The following DLGAP2 variants were observed in gnomAD, a reference collection of about 807,000 sequenced individuals.
DLGAP2 encodes DLG associated protein 2.
DLGAP2 carries 26 observed loss-of-function variants against 100.3 expected under a neutral mutation model. The ratio of observed to expected loss-of-function variants is 0.26; its 90% CI spans 0.19 to 0.36. DLGAP2 has a LOEUF of 0.36. DLGAP2 is among the 10% of genes least tolerant of loss of function. DLGAP2 has a pLI of 1.00. For synonymous variants in DLGAP2, 886 were observed against 630.1 expected, an observed-to-expected ratio of 1.41 and a Z score of -6.08; for missense variants, 1,858 against 1,453.2, an observed-to-expected ratio of 1.28 and a Z score of -4.53.
intron 2 of DLGAP2, among the ~76,000 whole-genome samples, chr8:1,179,242 G>A (rs191319434): frequency 5.3e-5 from 8 of 152,376 alleles, no homozygotes; most frequent in South Asian, 2.1e-4. Flanking sequence ...GGATGGCTGA[G>A]TATTTCAGAG....
In DLGAP2 at chr8:1,363,552, C is replaced by T. The variant is rs117848522; in HGVS notation, c.106+104669C>T. On this transcript the variant is annotated intron_variant, in intron 3 of 14. Coordinates refer to ENST00000637795, the MANE Select transcript of DLGAP2 (RefSeq NM_001346810.2). The stretch of plus-strand genomic sequence containing the variant: ...TTCCCTGCAGGGATGGTGGGGTCCC[C>T]GGCATTTCCAGAGGAACTTGGTCCT... 4.6e-3 allele frequency among the ~76,000 whole-genome samples: 705 copies of T among 152,298 alleles called. 3 individuals carry two copies. The highest frequency in any genetic ancestry group is 8.9e-3 in the South Asian group (43 of 4,816).
intron 1 of DLGAP2, among the ~76,000 whole-genome samples, chr8:859,993 G>C (rs1296841089): frequency 1.3e-5 from 2 of 152,166 alleles, no homozygotes; most frequent in Non-Finnish European, 2.9e-5. Context: ...TAGTGTTAAT[G>C]GTGGTAAAAA....
intron 2 of DLGAP2, among the ~76,000 whole-genome samples, chr8:1,165,381 A>G (rs1449815210): frequency 6.6e-6 from 1 of 152,220 alleles, no homozygotes; most frequent in African/African-American, 2.4e-5. Flanking sequence ...AAGCGCTGGC[A>G]CAGCCGGGCT....
At chr8:1,574,801 A>T (rs1427082787) in intron 6 of DLGAP2, among the ~76,000 whole-genome samples, 1 of 152,236 alleles carries the variant, frequency 6.6e-6, no homozygotes, top group African/African-American at 2.4e-5. Flanking sequence ...TTCCGGACAC[A>T]AGAAAGGAAA....
intron 8 of DLGAP2, among the ~76,000 whole-genome samples, chr8:1,640,214 A>T (rs1797864128): frequency 6.6e-6 from 1 of 152,110 alleles, no homozygotes; most frequent in South Asian, 2.1e-4. Flanking sequence ...GTTGATCCTG[A>T]TGAAGAGGAG....
Position 1,707,609 on chromosome 8 carries a change from C to G in DLGAP2, c.*6203C>G, listed in dbSNP as rs1399883647. On this transcript the variant is annotated 3_prime_UTR_variant, in exon 15 of 15. Coordinates refer to ENST00000637795, the MANE Select transcript of DLGAP2 (RefSeq NM_001346810.2). Reference sequence around the variant, plus strand: ...TCCGAACGGTAAGCCACTTCGCTCTCGGGCAGGACAGGTCCTCCCTGCAGA... The same window carrying G: ...TCCGAACGGTAAGCCACTTCGCTCTGGGGCAGGACAGGTCCTCCCTGCAGA... 2 of 152,120 alleles carry G rather than the reference C, an allele frequency of 1.3e-5. No individual in the cohort carries two copies. The highest frequency in any genetic ancestry group is 2.9e-5 in the Non-Finnish European group (2 of 68,016). The allele number at this position is 152,120 out of a possible 1,614,324, so 9.4% of individuals were successfully genotyped here.
chr8:1,150,658 A>C (rs1173329060), intron 2 of DLGAP2, among the ~76,000 whole-genome samples: 1 of 152,268 alleles, frequency 6.6e-6, no homozygotes, highest in Non-Finnish European at 1.5e-5. Context: ...ACACTGCTCA[A>C]CTTGGAGGTT....
chr8:838,595 G>A (rs1796925335), intron 1 of DLGAP2, among the ~76,000 whole-genome samples: 1 of 151,826 alleles, frequency 6.6e-6, no homozygotes, highest in Non-Finnish European at 1.5e-5. Context: ...TCCCTTTCTA[G>A]CTTGGACAAG....
chr8:1,233,713 G>A (rs1365982320), intron 2 of DLGAP2, among the ~76,000 whole-genome samples: 1 of 152,156 alleles, frequency 6.6e-6, no homozygotes, highest in African/African-American at 2.4e-5. Context: ...GCACATGTCA[G>A]TTGACTTTCT....
Position 1,478,919 on chromosome 8 carries a change from C to T in DLGAP2, c.107-22447C>T, listed in dbSNP as rs141602670. ...AGCTGGAGGTTGAGGGAGATGACGG[C>T]GCATCCTGGAGACTGAAGGTCAGGC... On this transcript the variant is annotated intron_variant, in intron 3 of 14. Transcript: ENST00000637795. Among the ~76,000 whole-genome samples, 1,364 of 152,306 alleles carry T rather than the reference C, an allele frequency of 9.0e-3. 20 individuals carry two copies. Among genetic ancestry groups the T allele is most frequent in the African/African-American group, 0.03 (1,231 of 41,564 alleles).
At position 1,408,221 on chromosome 8, in the gene DLGAP2, C is replaced by G. The variant is rs140528562; in HGVS notation, c.107-93145C>G. On this transcript the variant is annotated intron_variant, in intron 3 of 14. Transcript: ENST00000637795. The stretch of plus-strand genomic sequence containing the variant: ...ACAGGAATCCTTGTGCTCTTTCCAC[C>G]TGCCTCACTGTCCAACTCATTCTCC... Among the ~76,000 whole-genome samples, 29 of 152,304 alleles carry G rather than the reference C, an allele frequency of 1.9e-4. No homozygotes were observed. In the East Asian group the frequency reaches 5.4e-3, roughly 28 times the overall value.
chr8:1,682,635 T>C (rs556246246), intron 12 of DLGAP2, among the ~76,000 whole-genome samples: 1 of 151,470 alleles, frequency 6.6e-6, no homozygotes, highest in African/African-American at 2.4e-5. Flanking sequence ...CCACAGCACC[T>C]GGCTAATTTT....
intron 3 of DLGAP2, among the ~76,000 whole-genome samples, chr8:1,376,838 G>A (rs534615772): frequency 1.1e-4 from 16 of 152,116 alleles, no homozygotes; most frequent in Admixed American, 5.9e-4. Flanking sequence ...TACTGCAAGC[G>A]TATTTGGCCG....
intron 2 of DLGAP2, among the ~76,000 whole-genome samples, chr8:1,253,420 G>T (rs374346208): frequency 9.8e-5 from 15 of 152,362 alleles, no homozygotes; most frequent in African/African-American, 2.6e-4. Context: ...GCAGAAGCCA[G>T]AGATAGCATG....
At chr8:1,249,604 C>A (rs947451598) in intron 2 of DLGAP2, among the ~76,000 whole-genome samples, 4 of 152,160 alleles carry the variant, frequency 2.6e-5, no homozygotes, top group African/African-American at 9.7e-5. Context: ...CACTTCATTT[C>A]TTTGGGCTTC....
At chr8:1,470,775 A>ACCCC (rs1563168449) in intron 3 of DLGAP2, among the ~76,000 whole-genome samples, 1 of 75,976 alleles carries the variant, frequency 1.3e-5, no homozygotes, top group Admixed American at 1.3e-4. Context: ...GCCTTTCCCG[A>ACCCC]CTCCCCCAGC....
Position 1,549,119 on chromosome 8 carries a change from C to T in DLGAP2, c.666C>T (p.Arg222=). 2 of 1,588,324 alleles carry T rather than the reference C, an allele frequency of 1.3e-6. No individual in the cohort carries two copies. Among genetic ancestry groups the T allele is most frequent in the Non-Finnish European group, 1.7e-6 (2 of 1,169,822 alleles). The part of the protein sequence containing the change: ...YQRTSAAAEQ[R]SESPGRIRHL... ...GGACGTCCGCGGCCGCCGAGCAGCG[C>T]AGCGAGAGCCCCGGGCGGATCCGCC... The change falls in exon 5 of 15, where the codon CGC becomes CGT. Residue 222 remains arginine, a synonymous_variant. Coordinates refer to ENST00000637795, the MANE Select transcript of DLGAP2 (RefSeq NM_001346810.2).
At chr8:1,359,368 A>AT (rs1801925639) in intron 3 of DLGAP2, among the ~76,000 whole-genome samples, 1 of 152,224 alleles carries the variant, frequency 6.6e-6, no homozygotes, top group Non-Finnish European at 1.5e-5. Context: ...GAGAAAGGAA[A>AT]TTGAGCCTGT....
chr8:1,622,176 G>C (rs761801326), intron 6 of DLGAP2: 15 of 152,184 alleles, frequency 9.9e-5, no homozygotes, highest in Admixed American at 2.6e-4. Flanking sequence ...ACTGTTTAGC[G>C]TGCTCCATTT....
Sources: gnomAD v4.1 joint callset for allele counts (sites outside exome capture counted in the v4.1 genomes callset) on GRCh38, gnomAD v4.1.1 for gene constraint, MANE v1.5 for transcripts, NCBI Gene and HGNC (gene_info 2026-07-23, HGNC 2026-07-21) for gene names.